The following AQP7 variants were observed in gnomAD, a reference collection of about 807,000 sequenced individuals.
AQP7 encodes the protein aquaporin-7.
In AQP7, 22 loss-of-function variants were observed where a neutral mutation model predicts 26.1. That is an observed-to-expected ratio of 0.84 (90% CI 0.60 to 1.20). AQP7 has a LOEUF of 1.20. Ranked by LOEUF, AQP7 falls within the 50% of genes most tolerant of loss-of-function variation. The pLI is 0.00. For missense variants in AQP7, 412 were observed against 457.5 expected (o/e 0.90, Z 0.91); for synonymous variants, 167 against 181.7 (o/e 0.92, Z 0.65).
chr9:33,389,099 C>G (rs1825139573), intron 3 of AQP7, among the ~76,000 whole-genome samples: 1 of 149,498 alleles, frequency 6.7e-6, no homozygotes, highest in Non-Finnish European at 1.5e-5. Flanking sequence ...ACGATCTCTA[C>G]TCACTGCAAC....
At chr9:33,393,099 G>A (rs76983689) in intron 3 of AQP7, among the ~76,000 whole-genome samples, 6,504 of 152,168 alleles carry the variant, frequency 0.043, 447 homozygotes, top group African/African-American at 0.15. Flanking sequence ...ACACTGGCAC[G>A]CGCCTGTAGT....
In AQP7 at chr9:33,400,281, G is replaced by A. The variant is rs183363242; in HGVS notation, c.26+956C>T. On this transcript the variant is annotated intron_variant, in intron 2 of 7. Transcript: ENST00000297988. ...ACCAGCTCCTACGGAAAAAAACAGA[G>A]CAAGGAGAGGGGAATTGGGAGTGCA... Among the ~76,000 whole-genome samples the A allele has an allele frequency of 5.3e-5, 8 of 152,278 alleles. No homozygotes were observed. The East Asian group carries it at 1.5e-3, about 29-fold the overall frequency.
At chr9:33,395,047 C>T in intron 3 of AQP7, 31 bp downstream of exon 3, 1 of 1,590,344 alleles carries the variant, frequency 6.3e-7, no homozygotes, top group Non-Finnish European at 8.6e-7. Context: ...CTGGCGGAGC[C>T]CCACCCACTT....
chr9:33,385,273 C>G lies in AQP7; in HGVS notation c.761G>C (p.Trp254Ser). Reference sequence around the variant, plus strand: ...AAGTGGTGCCACCACTGGCACCCACCACCAGTTCTCCCCATTGCTGCAGGC... The same window carrying G: ...AAGTGGTGCCACCACTGGCACCCACGACCAGTTCTCCCCATTGCTGCAGGC... ...KQVFSNGENW[W>S]WVPVVAPLLG... The change falls in exon 8 of 8, where the codon TGG becomes TCG. Residue 254 changes from tryptophan (W) to serine (S), a missense_variant. Trp to Ser is a radical substitution (Grantham distance 177). Coordinates refer to ENST00000297988, the MANE Select transcript of AQP7 (RefSeq NM_001170.3). The G allele has an allele frequency of 6.2e-7, 1 of 1,610,792 alleles. No homozygotes were observed. The highest frequency in any genetic ancestry group is 1.3e-5 in the African/African-American group (1 of 74,938).
rs1439731738 is a variant in AQP7 at position 33,401,107 on chromosome 9, G to A, written c.26+130C>T. The A allele has an allele frequency of 1.0e-5, 10 of 1,004,692 alleles. No individual in the cohort carries two copies. In the East Asian group the frequency reaches 1.6e-4, roughly 16 times the overall value. The allele number at this position is 1,004,692 out of a possible 1,614,324, so 62.2% of individuals were successfully genotyped here. A position where few individuals can be genotyped will look rare whatever the true frequency, so the allele number is the denominator to read the frequency against. On this transcript the variant is annotated intron_variant, in intron 2 of 7. Transcript: ENST00000297988. The stretch of plus-strand genomic sequence containing the variant: ...CTGGGACCTCAGAGGCGAGTGGGTG[G>A]GTGGGGAGGAGGAGGTCGAGTGGGG...
At chr9:33,396,879 T>G (rs1825891455) in intron 2 of AQP7, among the ~76,000 whole-genome samples, 1 of 151,432 alleles carries the variant, frequency 6.6e-6, no homozygotes, top group Non-Finnish European at 1.5e-5. Context: ...GCTGATCGCT[T>G]GAGCCCAGGA....
At chr9:33,397,831 G>A (rs62544584) in intron 2 of AQP7, among the ~76,000 whole-genome samples, 12,018 of 152,148 alleles carry the variant, frequency 0.079, 611 homozygotes, top group Admixed American at 0.11. Flanking sequence ...AGAGAATCCT[G>A]GAAGCCTGGC....
Position 33,386,121 on chromosome 9 carries a change from A to G in AQP7, c.481T>C (p.Tyr161His). 1 of 1,613,958 alleles carries G rather than the reference A, an allele frequency of 6.2e-7. No homozygotes were observed. The highest frequency in any genetic ancestry group is 8.5e-7 in the Non-Finnish European group (1 of 1,179,866). The change falls in exon 6 of 8, where the codon TAC becomes CAC. Residue 161 changes from tyrosine to histidine, a missense_variant. Coordinates refer to ENST00000297988, the MANE Select transcript of AQP7 (RefSeq NM_001170.3). ...CACAATGTCATGTGATCAGGAAGGT[A>G]GGTGGCAAAAATGCCAGCTGTAGCG... ...PVATAGIFAT[Y>H]LPDHMTLWRG...
intron 3 of AQP7, among the ~76,000 whole-genome samples, chr9:33,388,122 C>T (rs147596598): frequency 1.0e-3 from 154 of 152,258 alleles, no homozygotes; most frequent in African/African-American, 3.3e-3. Context: ...ATGCCTGATG[C>T]GCTAAAATTC....
At chr9:33,386,028 C>T (rs1824740975) in intron 6 of AQP7, 49 bp downstream of exon 6, 1 of 1,609,898 alleles carries the variant, frequency 6.2e-7, no homozygotes, top group Non-Finnish European at 8.5e-7. Flanking sequence ...CTGGCTCCGT[C>T]CTGAGGGGTG....
chr9:33,389,375 A>G (rs181408326), intron 3 of AQP7, among the ~76,000 whole-genome samples: 61 of 151,956 alleles, frequency 4.0e-4, no homozygotes, highest in African/African-American at 1.3e-3. Context: ...AGGTTTCACT[A>G]TGTTGCCCGG....
intron 3 of AQP7, among the ~76,000 whole-genome samples, chr9:33,389,116 C>T (rs1436766441): frequency 6.6e-6 from 1 of 151,340 alleles, no homozygotes; most frequent in African/African-American, 2.4e-5. Context: ...CAACCTCCAA[C>T]TCCCGGGTTC....
Position 33,385,764 on chromosome 9 carries a change from C to G in AQP7, c.628G>C (p.Val210Leu), listed in dbSNP as rs201192248. 2 of 1,613,576 alleles carry G rather than the reference C, an allele frequency of 1.2e-6. No homozygotes were observed. Among genetic ancestry groups the G allele is most frequent in the African/African-American group, 2.7e-5 (2 of 74,918 alleles). ...GTEALVIGIL[V>L]VIIGVSLGMN... ...CCAAGGGACACCCCGATGATGACCA[C>G]GAGGATGCCTATCACCAGCGCCTCT... Residue 210 changes from valine (V) to leucine (L), a missense_variant, in exon 7 of 8, where the codon GTG becomes CTG. Physicochemically the swap from Val to Leu is conservative, Grantham distance 32. Transcript: ENST00000297988.
chr9:33,386,457 C>G lies in AQP7; in HGVS notation c.353G>C (p.Gly118Ala), dbSNP rs148428903. Residue 118 changes from glycine (G) to alanine (A), a missense_variant, in exon 5 of 8, where the codon GGG becomes GCG. Physicochemically the swap from Gly to Ala is moderately conservative, Grantham distance 60 (BLOSUM62 0). Coordinates refer to ENST00000297988, the MANE Select transcript of AQP7 (RefSeq NM_001170.3). Reference sequence around the variant, plus strand: ...CGCCAGGAAGGAGCCCAGGAACTGCCCCAGCACATAGACCGGAAACTTCCT... The same window carrying G: ...CGCCAGGAAGGAGCCCAGGAACTGCGCCAGCACATAGACCGGAAACTTCCT... The part of the protein sequence containing the change: ...PWRKFPVYVL[G>A]QFLGSFLAAA... The G allele has an allele frequency of 1.1e-5, 18 of 1,611,558 alleles. No individual in the cohort carries two copies. The highest frequency in any genetic ancestry group is 1.4e-5 in the Non-Finnish European group (17 of 1,179,100).
chr9:33,400,847 G>A (rs1288944281), intron 2 of AQP7, among the ~76,000 whole-genome samples: 2 of 151,956 alleles, frequency 1.3e-5, no homozygotes, highest in Non-Finnish European at 2.9e-5. Flanking sequence ...TGTGGCTGGA[G>A]GAGGGAGAGC....
intron 5 of AQP7, 88 bp from the exon 6 acceptor site, chr9:33,386,283 G>A (rs202043791): frequency 1.2e-5 from 19 of 1,599,586 alleles, no homozygotes; most frequent in South Asian, 5.6e-5. Flanking sequence ...AGAGGGTGGG[G>A]GATCTCCAAG....
intron 3 of AQP7, among the ~76,000 whole-genome samples, chr9:33,388,192 G>A (rs1437842915): frequency 6.6e-6 from 1 of 152,168 alleles, no homozygotes; most frequent in Non-Finnish European, 1.5e-5. Context: ...AACTCTCCTG[G>A]TGTTCCGCGG....
rs553316319 is a variant in AQP7 at position 33,387,045 on chromosome 9, A to G, written c.192T>C (p.Tyr64=). ...SVAHMVLNKK[Y]GSYLGVNLGF... ...CCAAGTTGACACCAAGGTAGCTCCC[A>G]TATTTTTTATTTAGAACCATATGGG... Residue 64 remains tyrosine (Y), a synonymous_variant, in exon 4 of 8, where the codon TAT becomes TAC. Coordinates refer to ENST00000297988, the MANE Select transcript of AQP7 (RefSeq NM_001170.3). The G allele has an allele frequency of 4.5e-5, 73 of 1,611,988 alleles. No homozygotes were observed. Among genetic ancestry groups the G allele is most frequent in the African/African-American group, 1.5e-4 (11 of 74,970 alleles).
At chr9:33,393,244 A>G (rs1825569788) in intron 3 of AQP7, among the ~76,000 whole-genome samples, 1 of 152,150 alleles carries the variant, frequency 6.6e-6, no homozygotes, top group East Asian at 1.9e-4. Context: ...AAGAAAGCTA[A>G]ATTTGTGAAC....
Sources: gnomAD v4.1 joint callset for allele counts (sites outside exome capture counted in the v4.1 genomes callset) on GRCh38, gnomAD v4.1.1 for gene constraint, MANE v1.5 for transcripts, NCBI Gene and HGNC (gene_info 2026-07-23, HGNC 2026-07-21) for gene names.